The following ADAP1 variants were observed in gnomAD, a reference collection of about 807,000 sequenced individuals.
ADAP1 encodes arf-GAP with dual PH domain-containing protein 1.
ADAP1 carries 31 observed loss-of-function variants against 54.9 expected under a neutral mutation model. That is an observed-to-expected ratio of 0.56 (90% CI 0.42 to 0.76). The LOEUF is 0.76. ADAP1 is among the 30% of genes least tolerant of loss of function. The pLI is 0.00. For missense variants in ADAP1, 535 were observed against 512.4 expected (o/e 1.04, Z -0.42); for synonymous variants, 313 against 202.6 (o/e 1.55, Z -4.63).
At position 898,653 on chromosome 7, in the gene ADAP1, G is replaced by A. The variant is rs1423136542; in HGVS notation, c.*268C>T. The A allele has an allele frequency of 4.3e-5, 23 of 535,616 alleles. 1 individual carries two copies. Among genetic ancestry groups the A allele is most frequent in the South Asian group, 3.9e-4 (19 of 48,796 alleles). 33.2% of individuals were successfully genotyped at this position (535,616 alleles called of 1,614,324 possible). A position where few individuals can be genotyped will look rare whatever the true frequency, so the allele number is the denominator to read the frequency against. On this transcript the variant is annotated 3_prime_UTR_variant, in exon 11 of 11. Transcript: ENST00000265846. ...CAGACTGGGCCCTGGAGGAAAGGGG[G>A]CCCCGGGTCAGGGAGGGGCAGGTTG...
At position 931,311 on chromosome 7, in the gene ADAP1, T is replaced by C. The variant is rs565107622; in HGVS notation, c.213+4064A>G. Among the ~76,000 whole-genome samples the C allele has an allele frequency of 1.0e-3, 152 of 152,266 alleles. 4 individuals are homozygous for C. The South Asian group carries it at 0.026, about 26-fold the overall frequency. ...CACTAAATTGTCGAAATACATTAAA[T>C]AAGGTAGAGACGACCCACGTGTCCA... is the stretch of plus-strand genomic sequence containing the variant. On this transcript the variant is annotated intron_variant, in intron 2 of 10. Transcript: ENST00000265846.
At position 926,431 on chromosome 7, in the gene ADAP1, G is replaced by A. The variant is rs974792275; in HGVS notation, c.305+122C>T. ...CTCGGGGTCTGGGGGACGCAGCTGCGGCTGGCTTCTCCCCGACCCTGTGGG... is the reference window on the plus strand; with the variant it reads ...CTCGGGGTCTGGGGGACGCAGCTGCAGCTGGCTTCTCCCCGACCCTGTGGG... On this transcript the variant is annotated intron_variant, in intron 3 of 10. Transcript: ENST00000265846. The surrounding 1 kb of genome is among the most constrained non-coding windows in gnomAD (Gnocchi z 4.6). The A allele has an allele frequency of 9.9e-6, 8 of 809,640 alleles. No homozygotes were observed. The Admixed American group carries it at 1.5e-4, about 15-fold the overall frequency. 50.2% of individuals were successfully genotyped at this position (809,640 alleles called of 1,614,324 possible). A position where few individuals can be genotyped will look rare whatever the true frequency, so the allele number is the denominator to read the frequency against.
rs1341854430 is a variant in ADAP1, at chr7:898,633, T to TGGGCCCTGGAGGAAAGG, written c.*271_*287dup. On this transcript the variant is annotated 3_prime_UTR_variant, in exon 11 of 11. Coordinates refer to ENST00000265846, the MANE Select transcript of ADAP1 (RefSeq NM_006869.4). ...CTGTGTCTGAGCTCGGGAGCCAGAC[T>TGGGCCCTGGAGGAAAGG]GGGCCCTGGAGGAAAGGGGGCCCCG... is the stretch of plus-strand genomic sequence containing the variant. 29 of 499,622 alleles carry TGGGCCCTGGAGGAAAGG rather than the reference T, an allele frequency of 5.8e-5. No individual in the cohort carries two copies. Among genetic ancestry groups the TGGGCCCTGGAGGAAAGG allele is most frequent in the Admixed American group, 9.8e-5 (3 of 30,524 alleles). 30.9% of individuals were successfully genotyped at this position (499,622 alleles called of 1,614,324 possible).
In ADAP1 at chr7:926,113, C is replaced by T. The variant is rs942256387; in HGVS notation, c.305+440G>A. ...CCCTCTCTCCACAACCTCCCGATCC[C>T]AGGATGCTCAGAGGACTGGGTCTCA... On this transcript the variant is annotated intron_variant, in intron 3 of 10. Coordinates refer to ENST00000265846, the MANE Select transcript of ADAP1 (RefSeq NM_006869.4). This position sits in a 1 kb window ranked among gnomAD's most constrained non-coding sequence, Gnocchi z 4.6. Among the ~76,000 whole-genome samples the T allele has an allele frequency of 1.3e-5, 2 of 152,074 alleles. No individual in the cohort carries two copies. Among genetic ancestry groups the T allele is most frequent in the African/African-American group, 2.4e-5 (1 of 41,400 alleles).
intron 2 of ADAP1, among the ~76,000 whole-genome samples, chr7:934,571 G>A (rs954382595): frequency 4.6e-5 from 7 of 152,064 alleles, no homozygotes; most frequent in Non-Finnish European, 8.8e-5. Context: ...CAAGTCCCAC[G>A]AGTGGGGCTG....
rs535382102 is a variant in ADAP1 at position 903,791 on chromosome 7, G to A, written c.648+335C>T. 2.2e-3 allele frequency among the ~76,000 whole-genome samples: 338 copies of A among 152,274 alleles called. 1 individual carries two copies. Among genetic ancestry groups the A allele is most frequent in the Non-Finnish European group, 3.5e-3 (236 of 68,014 alleles). ...GGTCCCCTCTGGGCATTGTGGGGGCGGTGGATCCTCTAGCCCGAGCTGGCA... is the reference window on the plus strand; with the variant it reads ...GGTCCCCTCTGGGCATTGTGGGGGCAGTGGATCCTCTAGCCCGAGCTGGCA... On this transcript the variant is annotated intron_variant, in intron 6 of 10. Coordinates refer to ENST00000265846, the MANE Select transcript of ADAP1 (RefSeq NM_006869.4).
intron 1 of ADAP1, among the ~76,000 whole-genome samples, chr7:952,526 A>G (rs550255766): frequency 6.6e-6 from 1 of 152,256 alleles, no homozygotes; most frequent in South Asian, 2.1e-4. Flanking sequence ...AGAGCCCTCG[A>G]GGATGTGCCA....
chr7:917,684 G>T (rs1009901747), intron 4 of ADAP1, among the ~76,000 whole-genome samples: 2 of 152,136 alleles, frequency 1.3e-5, no homozygotes, highest in South Asian at 2.1e-4. Flanking sequence ...GATTGGTCTC[G>T]AACTCGTGGT....
intron 2 of ADAP1, chr7:935,010 T>G: frequency 2.6e-6 from 1 of 384,248 alleles, no homozygotes; most frequent in East Asian, 7.6e-5. Context: ...GGACGCTGCA[T>G]TCTGTTTCCT....
intron 4 of ADAP1, among the ~76,000 whole-genome samples, chr7:911,534 A>AGGGGGG (rs1845722407): frequency 1.4e-5 from 2 of 146,714 alleles, no homozygotes; most frequent in Non-Finnish European, 3.0e-5. Context: ...CATGCCAGGA[A>AGGGGGG]AGGGGCGGGG....
intron 4 of ADAP1, 36 bp from the exon 5 acceptor site, chr7:905,208 G>A (rs1333603629): frequency 3.9e-6 from 6 of 1,545,858 alleles, no homozygotes; most frequent in African/African-American, 1.4e-5. Flanking sequence ...GGTGACAGTG[G>A]ATGGGGGGGA....
chr7:940,397 A>G (rs895059685), intron 1 of ADAP1, among the ~76,000 whole-genome samples: 1 of 151,962 alleles, frequency 6.6e-6, no homozygotes, highest in Non-Finnish European at 1.5e-5. Context: ...GACCTTTTAC[A>G]TAAGAATCAA....
At position 902,973 on chromosome 7, in the gene ADAP1, C is replaced by G. The variant is rs556805252; in HGVS notation, c.648+1153G>C. On this transcript the variant is annotated intron_variant, in intron 6 of 10. Transcript: ENST00000265846. The stretch of plus-strand genomic sequence containing the variant: ...AAGGTGCCAGGTGACCCCTTTCCCT[C>G]CAGGCACATCACTTCTACCAAGAGG... Among the ~76,000 whole-genome samples the G allele has an allele frequency of 3.9e-5, 6 of 152,300 alleles. No individual in the cohort carries two copies. In the East Asian group the frequency reaches 1.2e-3, roughly 29 times the overall value.
intron 4 of ADAP1, chr7:905,732 AAAGGGAAAGGAGAAGGGAGAAGGGAG>A: frequency 1.0e-5 from 1 of 96,276 alleles, no homozygotes; most frequent in African/African-American, 3.5e-5. Context: ...GGGAAAGGAG[AAAGGGAAAGGAGAAGGGAGAAGGGAG>A]AAGGGAGAAA....
chr7:941,675 G>A (rs1027051335), intron 1 of ADAP1, among the ~76,000 whole-genome samples: 5 of 152,134 alleles, frequency 3.3e-5, no homozygotes, highest in Non-Finnish European at 5.9e-5. Context: ...AAGAGATAAC[G>A]TTTTCGTGGG....
At chr7:939,558 T>A (rs1301040655) in intron 1 of ADAP1, among the ~76,000 whole-genome samples, 1 of 146,630 alleles carries the variant, frequency 6.8e-6, no homozygotes, top group Non-Finnish European at 1.5e-5. Context: ...TGGCTGCGTG[T>A]GGTGGCTCAC....
intron 6 of ADAP1, among the ~76,000 whole-genome samples, chr7:903,019 G>C (rs1348698896): frequency 6.6e-6 from 1 of 152,140 alleles, no homozygotes; most frequent in African/African-American, 2.4e-5. Flanking sequence ...CGAGAAAGAC[G>C]TAGGACCCGG....
intron 1 of ADAP1, among the ~76,000 whole-genome samples, chr7:942,631 AGG>A (rs1330112358): frequency 4.1e-5 from 1 of 24,196 alleles, no homozygotes; most frequent in East Asian, 1.8e-3. Context: ...AGGAGGAGGA[AGG>A]GAGGAGGAGG....
Position 898,738 on chromosome 7 carries a change from C to CCT in ADAP1, c.*181_*182dup, listed in dbSNP as rs1844627196. 4.0e-6 allele frequency: 3 copies of CCT among 747,108 alleles called. No individual in the cohort carries two copies. The highest frequency in any genetic ancestry group is 2.4e-5 in the Admixed American group (1 of 41,428). The allele number at this position is 747,108 out of a possible 1,614,324, so 46.3% of individuals were successfully genotyped here. ...GAGATCAGGCCCAGGGCCTGGGCTGCCTGCCTTGAGGTTCCAGAGAAGCAT... is the reference window on the plus strand; with the variant it reads ...GAGATCAGGCCCAGGGCCTGGGCTGCCTCTGCCTTGAGGTTCCAGAGAAGCAT... On this transcript the variant is annotated 3_prime_UTR_variant, in exon 11 of 11. Coordinates refer to ENST00000265846, the MANE Select transcript of ADAP1 (RefSeq NM_006869.4).
Sources: allele counts gnomAD v4.1 joint callset (sites outside exome capture counted in the v4.1 genomes callset), GRCh38; gene constraint gnomAD v4.1.1; non-coding constraint Gnocchi (gnomAD v3.1); transcripts MANE v1.5; gene names NCBI Gene and HGNC (gene_info 2026-07-23, HGNC 2026-07-21).